SLC44A4: variants seen among roughly 807,000 people sequenced by gnomAD.
SLC44A4 encodes the protein solute carrier family 44 member 4.
A neutral mutation model predicts 97.0 loss-of-function variants in SLC44A4; 74 were observed. The observed-to-expected ratio is 0.76, with a 90% CI of 0.63 to 0.93. The LOEUF (loss-of-function observed/expected upper bound fraction) is 0.93, where lower values mean the gene tolerates loss of function less well. SLC44A4 is among the 40% of genes least tolerant of loss of function. The probability of loss-of-function intolerance (pLI) is 0.00; values close to 1 mark genes in which losing one functional copy is unlikely to be tolerated. For missense variants in SLC44A4, 799 were observed against 902.9 expected (o/e 0.88, Z 1.48); for synonymous variants, 325 against 363.8 (o/e 0.89, Z 1.21).
chr6:31,866,181 A>G, intron 13 of SLC44A4, 55 bp from the exon 14 acceptor site: 1 of 1,585,166 alleles, frequency 6.3e-7, no homozygotes, highest in South Asian at 1.1e-5. Context: ...CTCAGTATGG[A>G]GCCTGGGCGT....
chr6:31,868,576 G>A (rs570449455), intron 13 of SLC44A4, among the ~76,000 whole-genome samples: 7 of 152,178 alleles, frequency 4.6e-5, no homozygotes, highest in Non-Finnish European at 2.9e-5. Context: ...TGACTACATC[G>A]GGGCAACCCC....
rs537907234 is a variant in SLC44A4, at chr6:31,864,884, C to G, written c.1858G>C (p.Gly620Arg). 20 of 1,613,762 alleles carry G rather than the reference C, an allele frequency of 1.2e-5. No homozygotes were observed. In the East Asian group the frequency reaches 4.5e-4, roughly 36 times the overall value. The change falls in exon 19 of 21, where the codon GGT becomes CGT. Residue 620 changes from glycine to arginine, a missense_variant. By Grantham distance (125) the Gly-to-Arg change is moderately radical. Around this residue, in one of 3 missense-constraint regions of SLC44A4, gnomAD observed 379 missense variants for 438.3 expected, o/e 0.86. Coordinates refer to ENST00000229729, the MANE Select transcript of SLC44A4 (RefSeq NM_025257.3). ...VGVLSFFFFS[G>R]RIPGLGKDFK... ...TCTTTACCCAGCCCCGGGATGCGAC[C>G]GGAGAAAAAAAAGAAGGACAGGACC...
Position 31,865,444 on chromosome 6 carries a change from G to A in SLC44A4, c.1686+54C>T, listed in dbSNP as rs17207713. 2,023 of 1,611,662 alleles carry A rather than the reference G, an allele frequency of 1.3e-3. 22 individuals are homozygous for A. In the African/African-American group the frequency reaches 0.024, roughly 19 times the overall value. On this transcript the variant is annotated intron_variant, in intron 16 of 20. Transcript: ENST00000229729. The surrounding 1 kb of genome is among the most constrained non-coding windows in gnomAD (Gnocchi z 5.2). ...AGGCGAGCTGCCTGGACCAGGATGG[G>A]GGTGTCTAGACCAAAGGGCACCAGA...
chr6:31,877,147 C>T lies in SLC44A4; in HGVS notation c.41-65G>A. 1.3e-6 allele frequency: 2 copies of T among 1,521,994 alleles called. No individual in the cohort carries two copies. The highest frequency in any genetic ancestry group is 1.8e-6 in the Non-Finnish European group (2 of 1,112,754). 94.3% of individuals were successfully genotyped at this position (1,521,994 alleles called of 1,614,324 possible). On this transcript the variant is annotated intron_variant, in intron 1 of 20. Transcript: ENST00000229729. This position sits in a 1 kb window ranked among gnomAD's most constrained non-coding sequence, Gnocchi z 6.5. ...TCTGCATATCTTGTCCTGCTGAGTC[C>T]TCCTAGCCCCAGGATCCTACCCAGG...
rs117127493 is a variant in SLC44A4, at chr6:31,869,232, G to C, written c.1156C>G (p.Gln386Glu). The C allele has an allele frequency of 5.1e-3, 8,228 of 1,609,200 alleles. 98 individuals are homozygous for C. The highest frequency in any genetic ancestry group is 0.037 in the East Asian group (1,661 of 44,766). ...ALYLATSGQP[Q>E]YVLWASNISS... ...ATGTTGGATGCCCAGAGCACATACT[G>C]GGGTTGCCCCGATGTAGCCAGGTAC... Residue 386 changes from glutamine to glutamate, a missense_variant, in exon 13 of 21, where the codon CAG (glutamine) becomes GAG (glutamate). By Grantham distance (29) the Gln-to-Glu change is conservative. Coordinates refer to ENST00000229729, the MANE Select transcript of SLC44A4 (RefSeq NM_025257.3).
In SLC44A4 at chr6:31,876,224, G is replaced by A. The variant is rs184438927; in HGVS notation, c.90-95C>T. ...GTTAAGGGTTAGAGAGTTGGGTGAT[G>A]CTGCAGCATGGGCATCAGTAGGCTT... On this transcript the variant is annotated intron_variant, in intron 2 of 20. Coordinates refer to ENST00000229729, the MANE Select transcript of SLC44A4 (RefSeq NM_025257.3). The surrounding 1 kb of genome is among the most constrained non-coding windows in gnomAD (Gnocchi z 4.8). 4.6e-6 allele frequency: 4 copies of A among 865,084 alleles called. No individual in the cohort carries two copies. Among genetic ancestry groups the A allele is most frequent in the East Asian group, 5.3e-5 (2 of 37,730 alleles). 53.6% of individuals were successfully genotyped at this position (865,084 alleles called of 1,614,324 possible). A position where few individuals can be genotyped will look rare whatever the true frequency, so the allele number is the denominator to read the frequency against.
Position 31,874,457 on chromosome 6 carries a change from C to T in SLC44A4, c.529+3G>A, listed in dbSNP as rs548121705. On this transcript the variant is annotated splice_donor_region_variant and intron_variant, in intron 7 of 20. Coordinates refer to ENST00000229729, the MANE Select transcript of SLC44A4 (RefSeq NM_025257.3). This position sits in a 1 kb window ranked among gnomAD's most constrained non-coding sequence, Gnocchi z 4.8. ...GTCTGAGGAAGGAATCTGTGCTTCT[C>T]ACCTGGAGCAGAGGGGAGGAGGAAA... 1.9e-6 allele frequency: 3 copies of T among 1,613,090 alleles called. No individual in the cohort carries two copies. Among genetic ancestry groups the T allele is most frequent in the East Asian group, 4.5e-5 (2 of 44,892 alleles).
chr6:31,873,673 C>T (rs9267656), intron 7 of SLC44A4, among the ~76,000 whole-genome samples: 10,411 of 150,958 alleles, frequency 0.069, 598 homozygotes, highest in African/African-American at 0.15. Flanking sequence ...AGGAAGAGCA[C>T]ACTGTAAAAG....
In SLC44A4 at chr6:31,870,475, A is replaced by G. The variant is rs1763094858; in HGVS notation, c.1037+128T>C. 1.3e-5 allele frequency: 9 copies of G among 692,028 alleles called. No individual in the cohort carries two copies. In the South Asian group the frequency reaches 1.6e-4, roughly 13 times the overall value. 42.9% of individuals were successfully genotyped at this position (692,028 alleles called of 1,614,324 possible). On this transcript the variant is annotated intron_variant, in intron 11 of 20. Transcript: ENST00000229729. ...GGGAAGCAAAGCCACAGCAGTGTTC[A>G]CCACTGTGCTATATTCCTCCCTTCT...
rs1291771353 is a variant in SLC44A4, at chr6:31,874,316, A to AGAGCAAAATGAAGACCTGAT, written c.529+124_529+143dup. 2.3e-6 allele frequency: 2 copies of AGAGCAAAATGAAGACCTGAT among 861,872 alleles called. No homozygotes were observed. Among genetic ancestry groups the AGAGCAAAATGAAGACCTGAT allele is most frequent in the Admixed American group, 4.1e-5 (2 of 49,348 alleles). 53.4% of individuals were successfully genotyped at this position (861,872 alleles called of 1,614,324 possible). ...GTCTGACTGCAAGGCCACATAACAA[A>AGAGCAAAATGAAGACCTGAT]GAGCAAAATGAAGACCTGATGCTAA... On this transcript the variant is annotated intron_variant, in intron 7 of 20. Coordinates refer to ENST00000229729, the MANE Select transcript of SLC44A4 (RefSeq NM_025257.3). This position sits in a 1 kb window ranked among gnomAD's most constrained non-coding sequence, Gnocchi z 4.8.
At chr6:31,873,526 C>G (rs763547299) in intron 7 of SLC44A4, among the ~76,000 whole-genome samples, 1 of 151,656 alleles carries the variant, frequency 6.6e-6, no homozygotes, top group Non-Finnish European at 1.5e-5. Flanking sequence ...AACTGGGTGT[C>G]GGGGCTCATG....
chr6:31,875,458 T>C (rs1202279953), intron 4 of SLC44A4, among the ~76,000 whole-genome samples: 1 of 152,222 alleles, frequency 6.6e-6, no homozygotes, highest in Non-Finnish European at 1.5e-5. Context: ...GACATCTGTA[T>C]GTGAGGACTG....
At chr6:31,867,785 G>A (rs865916101) in intron 13 of SLC44A4, among the ~76,000 whole-genome samples, 1 of 150,090 alleles carries the variant, frequency 6.7e-6, no homozygotes, top group Admixed American at 6.6e-5. Flanking sequence ...TATACCCAGT[G>A]CCTGGCACAT....
chr6:31,865,931 G>C lies in SLC44A4; in HGVS notation c.1429C>G (p.His477Asp). 1 of 1,614,204 alleles carries C rather than the reference G, an allele frequency of 6.2e-7. No homozygotes were observed. Among genetic ancestry groups the C allele is most frequent in the Non-Finnish European group, 8.5e-7 (1 of 1,180,036 alleles). The change falls in exon 14 of 21, where the codon CAC becomes GAC. Residue 477 changes from histidine (H) to aspartate (D), a missense_variant. His to Asp is a moderately conservative substitution (Grantham distance 81). Around this residue, in one of 3 missense-constraint regions of SLC44A4, gnomAD observed 379 missense variants for 438.3 expected, o/e 0.86. Transcript: ENST00000229729. This position sits in a 1 kb window ranked among gnomAD's most constrained non-coding sequence, Gnocchi z 5.2. ...GAFASFYWAF[H>D]KPQDIPTFPL... ...AAGGTAGGGATGTCCTGGGGCTTGT[G>C]GAAGGCCCAGTAGAAGGAGGCAAAG... is the stretch of plus-strand genomic sequence containing the variant.
chr6:31,872,423 A>T (rs1477958866), intron 7 of SLC44A4, among the ~76,000 whole-genome samples: 1 of 151,996 alleles, frequency 6.6e-6, no homozygotes, highest in African/African-American at 2.4e-5. Context: ...TTTTGTACAG[A>T]TGGGGTTTTG....
rs377613924 is a variant in SLC44A4, at chr6:31,875,801, C to T, written c.242+51G>A. ...CCTGAGTTGGGGGGGTGTCTCCTGC[C>T]CACCCTACCTCGCCTCGCTCCTGCA... On this transcript the variant is annotated intron_variant, in intron 4 of 20. Transcript: ENST00000229729. 1.2e-4 allele frequency: 174 copies of T among 1,511,706 alleles called. No individual in the cohort carries two copies. The African/African-American group carries it at 2.2e-3, about 19-fold the overall frequency. The allele number at this position is 1,511,706 out of a possible 1,614,324, so 93.6% of individuals were successfully genotyped here.
chr6:31,878,715 C>T lies in SLC44A4; in HGVS notation c.40+226G>A, dbSNP rs2151576434. On this transcript the variant is annotated intron_variant, in intron 1 of 20. Coordinates refer to ENST00000229729, the MANE Select transcript of SLC44A4 (RefSeq NM_025257.3). The surrounding 1 kb of genome is among the most constrained non-coding windows in gnomAD (Gnocchi z 4.0). ...TCAGCCCCAACTCTTCAGAGGCACCCAGCTTCACTCCCCATGGGCTCCCCA... is the reference window on the plus strand; with the variant it reads ...TCAGCCCCAACTCTTCAGAGGCACCTAGCTTCACTCCCCATGGGCTCCCCA... Among the ~76,000 whole-genome samples, 1 of 152,240 alleles carries T rather than the reference C, an allele frequency of 6.6e-6. No individual in the cohort carries two copies. Among genetic ancestry groups the T allele is most frequent in the East Asian group, 1.9e-4 (1 of 5,178 alleles).
Position 31,869,198 on chromosome 6 carries a change from G to A in SLC44A4, c.1190C>T (p.Pro397Leu). Residue 397 changes from proline (P) to leucine (L), a missense_variant, in exon 13 of 21, where the codon CCC (proline) becomes CTC (leucine). Pro to Leu is a moderately conservative substitution (Grantham distance 98, BLOSUM62 -3). Coordinates refer to ENST00000229729, the MANE Select transcript of SLC44A4 (RefSeq NM_025257.3). The stretch of plus-strand genomic sequence containing the variant: ...ATTTATTGGCACTTTCTCACAGCCG[G>A]GGGAGCTGATGTTGGATGCCCAGAG... ...YVLWASNISSPGCEKVPINTS... is the reference protein window; with the variant it reads ...YVLWASNISSLGCEKVPINTS... The A allele has an allele frequency of 6.2e-7, 1 of 1,611,096 alleles. No individual in the cohort carries two copies. Among genetic ancestry groups the A allele is most frequent in the Non-Finnish European group, 8.5e-7 (1 of 1,179,166 alleles).
intron 11 of SLC44A4, among the ~76,000 whole-genome samples, chr6:31,869,910 G>A (rs658808): frequency 0.07 from 10,652 of 152,024 alleles, 689 homozygotes; most frequent in African/African-American, 0.17. Flanking sequence ...GCGTGAACCC[G>A]GGAGGCGGAG....
Sources: allele counts gnomAD v4.1 joint callset (sites outside exome capture counted in the v4.1 genomes callset), GRCh38; gene constraint gnomAD v4.1.1; regional missense constraint gnomAD v4.1.1; non-coding constraint Gnocchi (gnomAD v3.1); transcripts MANE v1.5; gene names NCBI Gene and HGNC (gene_info 2026-07-23, HGNC 2026-07-21).